Variants in CCDC15 observed in about 807,000 individuals in gnomAD.
CCDC15 encodes the protein coiled-coil domain-containing protein 15.
In CCDC15, 105 loss-of-function variants were observed where a neutral mutation model predicts 114.5. The observed-to-expected ratio is 0.92, with a 90% confidence interval of 0.78 to 1.08. The LOEUF (loss-of-function observed/expected upper bound fraction) is 1.08. CCDC15 is among the 50% of genes least tolerant of loss of function. The probability of loss-of-function intolerance (pLI) is 0.00; values close to 1 mark genes in which losing one functional copy is unlikely to be tolerated. For synonymous variants in CCDC15, 334 were observed against 377.8 expected (o/e 0.88, Z 1.34); for missense variants, 1,105 against 1,093.6 (o/e 1.01, Z -0.15).
In CCDC15 at chr11:125,039,450, C is replaced by T. The variant is rs138425373; in HGVS notation, c.2734+381C>T. The T allele has an allele frequency of 1.5e-3, 253 of 163,346 alleles. 1 individual carries two copies. The highest frequency in any genetic ancestry group is 5.4e-3 in the African/African-American group (228 of 42,058). The allele number at this position is 163,346 out of a possible 1,614,324, so 10.1% of individuals were successfully genotyped here. A position where few individuals can be genotyped will look rare whatever the true frequency, so the allele number is the denominator to read the frequency against. On this transcript the variant is annotated intron_variant, in intron 15 of 15. Transcript: ENST00000344762. ...ACATGGACGTATTACCATATATATC[C>T]ACATTAGATTGCTAGTTCTGCCAGG...
At chr11:124,957,373 G>A (rs528526149) in intron 2 of CCDC15, among the ~76,000 whole-genome samples, 35 of 152,336 alleles carry the variant, frequency 2.3e-4, no homozygotes, top group African/African-American at 8.4e-4. Context: ...TGACTAGAAT[G>A]TCTGGGTGCT....
rs780871139 is a variant in CCDC15 at position 124,987,301 on chromosome 11, G to C, written c.1075G>C (p.Asp359His). Reference sequence around the variant, plus strand: ...GACAGGAATCCAGAGTGTTAAGCCAGATACCCAGGCTGTTGAAATGAAGGT... The same window carrying C: ...GACAGGAATCCAGAGTGTTAAGCCACATACCCAGGCTGTTGAAATGAAGGT... ...DLTGIQSVKP[D>H]TQAVEMKVQV... The change falls in exon 8 of 16, where the codon GAT becomes CAT. Residue 359 changes from aspartate (D) to histidine (H), a missense_variant. Transcript: ENST00000344762. 6.2e-6 allele frequency: 10 copies of C among 1,611,700 alleles called. No homozygotes were observed. Among genetic ancestry groups the C allele is most frequent in the Non-Finnish European group, 7.6e-6 (9 of 1,179,092 alleles).
intron 11 of CCDC15, among the ~76,000 whole-genome samples, chr11:124,999,854 CTTTTT>C (rs768089942): frequency 1.4e-5 from 1 of 70,100 alleles, no homozygotes; most frequent in Non-Finnish European, 2.6e-5. Flanking sequence ...GTATCCTAGA[CTTTTT>C]TTTTTTTTTT....
At chr11:125,026,434 G>A (rs907829791) in intron 13 of CCDC15, among the ~76,000 whole-genome samples, 4 of 152,210 alleles carry the variant, frequency 2.6e-5, no homozygotes, top group African/African-American at 9.6e-5. Context: ...GAATGAGAAA[G>A]GGGTAGTGTA....
intron 13 of CCDC15, among the ~76,000 whole-genome samples, chr11:125,017,712 G>A (rs1253213459): frequency 6.6e-6 from 1 of 152,134 alleles, no homozygotes; most frequent in Middle Eastern, 3.2e-3. Context: ...AACTCCATGA[G>A]TGTTATTGCC....
rs1444730009 is a variant in CCDC15, at chr11:125,003,803, A to G, written c.2215-64A>G. On this transcript the variant is annotated intron_variant, in intron 11 of 15. Coordinates refer to ENST00000344762, the MANE Select transcript of CCDC15 (RefSeq NM_025004.3). ...AAAGAAAAGAACAGATAAAAATATC[A>G]AAATTGTTCATGGGGTAGTTTTTGG... is the stretch of plus-strand genomic sequence containing the variant. 7 of 870,268 alleles carry G rather than the reference A, an allele frequency of 8.0e-6. No individual in the cohort carries two copies. The Admixed American group carries it at 2.2e-4, about 27-fold the overall frequency. The allele number at this position is 870,268 out of a possible 1,614,324, so 53.9% of individuals were successfully genotyped here.
In CCDC15 at chr11:125,038,973, ATTAC is replaced by A. The variant is rs1437378047; in HGVS notation, c.2641_2644del (p.Thr881TyrfsTer67). Reference sequence around the variant, plus strand: ...CCAGGAGAAAATGCAGCTGTATAATATTACTTTACCTCCACTATGCTGTTGTGGT... The same window carrying A: ...CCAGGAGAAAATGCAGCTGTATAATATTTACCTCCACTATGCTGTTGTGGT... On this transcript the variant is annotated frameshift_variant, in exon 15 of 16. Coordinates refer to ENST00000344762, the MANE Select transcript of CCDC15 (RefSeq NM_025004.3). LOFTEE classifies it high-confidence loss of function. 2.5e-6 allele frequency: 4 copies of A among 1,613,504 alleles called. No homozygotes were observed. Among genetic ancestry groups the A allele is most frequent in the Non-Finnish European group, 3.4e-6 (4 of 1,179,556 alleles).
At chr11:124,991,694 G>T in intron 9 of CCDC15, 111 bp downstream of exon 9, 1 of 982,106 alleles carries the variant, frequency 1.0e-6, no homozygotes, top group Non-Finnish European at 1.4e-6. Flanking sequence ...GAATATAGTG[G>T]CTTTTTTCTG....
chr11:125,037,882 C>A (rs1034144350), intron 13 of CCDC15, among the ~76,000 whole-genome samples: 22 of 151,600 alleles, frequency 1.5e-4, no homozygotes, highest in African/African-American at 4.8e-4. Context: ...TAGTTTCAAT[C>A]TGAAAAGACT....
intron 13 of CCDC15, among the ~76,000 whole-genome samples, chr11:125,008,809 C>T (rs971286317): frequency 6.6e-6 from 1 of 152,004 alleles, no homozygotes; most frequent in Non-Finnish European, 1.5e-5. Context: ...TCTCCTGCCT[C>T]AGCCTCTTGA....
At chr11:125,015,761 G>T (rs73022306) in intron 13 of CCDC15, among the ~76,000 whole-genome samples, 2,374 of 152,204 alleles carry the variant, frequency 0.016, 17 homozygotes, top group East Asian at 0.024. Flanking sequence ...AGCCTGATGG[G>T]GACATTACAA....
rs756250621 is a variant in CCDC15, at chr11:125,005,101, A to C, written c.2308-8A>C. 12 of 1,324,812 alleles carry C rather than the reference A, an allele frequency of 9.1e-6. No homozygotes were observed. Among genetic ancestry groups the C allele is most frequent in the Non-Finnish European group, 1.1e-5 (11 of 963,198 alleles). 82.1% of individuals were successfully genotyped at this position (1,324,812 alleles called of 1,614,324 possible). ...AGAATCTTAGTAATTTTAACTTCTT[A>C]CCTTTAGCGTCAAAAGCAGTACCTG... On this transcript the variant is annotated splice_polypyrimidine_tract_variant and splice_region_variant and intron_variant, in intron 12 of 15. Coordinates refer to ENST00000344762, the MANE Select transcript of CCDC15 (RefSeq NM_025004.3).
chr11:124,988,159 C>T, intron 8 of CCDC15, 25 bp downstream of exon 8: 1 of 1,581,560 alleles, frequency 6.3e-7, no homozygotes, highest in Non-Finnish European at 8.6e-7. Context: ...AAAGGAGATA[C>T]AAAAAGAAGA....
intron 8 of CCDC15, among the ~76,000 whole-genome samples, chr11:124,990,756 T>C (rs899278587): frequency 6.6e-6 from 1 of 152,208 alleles, no homozygotes; most frequent in Non-Finnish European, 1.5e-5. Context: ...ATCTTCTTCA[T>C]TGGGAGAAAT....
At chr11:124,998,627 CTTTAT>C (rs1948416475) in intron 11 of CCDC15, among the ~76,000 whole-genome samples, 1 of 151,818 alleles carries the variant, frequency 6.6e-6, no homozygotes, top group South Asian at 2.1e-4. Flanking sequence ...CCCCTTTCTC[CTTTAT>C]GTTATAATTG....
At chr11:125,007,641 T>C (rs1948561800) in intron 13 of CCDC15, among the ~76,000 whole-genome samples, 1 of 152,210 alleles carries the variant, frequency 6.6e-6, no homozygotes, top group African/African-American at 2.4e-5. Flanking sequence ...TTAGGTTTTT[T>C]TTTTAGAAAT....
chr11:124,978,545 A>T (rs1230086804), intron 6 of CCDC15, among the ~76,000 whole-genome samples: 1 of 151,908 alleles, frequency 6.6e-6, no homozygotes, highest in Non-Finnish European at 1.5e-5. Flanking sequence ...GCTTTTTCTG[A>T]CTGGTGTGAG....
intron 11 of CCDC15, among the ~76,000 whole-genome samples, chr11:124,998,334 G>A (rs993691143): frequency 6.6e-6 from 1 of 152,116 alleles, no homozygotes; most frequent in African/African-American, 2.4e-5. Context: ...AACCATTGTT[G>A]TATAGATTTT....
chr11:124,963,217 A>T (rs1398850652), intron 4 of CCDC15, among the ~76,000 whole-genome samples: 1 of 152,230 alleles, frequency 6.6e-6, no homozygotes. Flanking sequence ...GAATCGCCAC[A>T]CTGTCTTCCA....
Sources: gnomAD v4.1 joint callset for allele counts (sites outside exome capture counted in the v4.1 genomes callset) on GRCh38, gnomAD v4.1.1 for gene constraint, MANE v1.5 for transcripts, NCBI Gene and HGNC (gene_info 2026-07-23, HGNC 2026-07-21) for gene names.